The following CBX5 variants were observed in gnomAD, a reference collection of about 807,000 sequenced individuals.
The protein encoded by CBX5 is chromobox protein homolog 5.
In CBX5, 7 loss-of-function variants were observed where a neutral mutation model predicts 20.7. The observed-to-expected ratio is 0.34, with a 90% CI of 0.19 to 0.63. The LOEUF is 0.63. Ranked by LOEUF, CBX5 falls within the 30% of genes least tolerant of loss-of-function variation. The probability of loss-of-function intolerance (pLI) is 0.75; values close to 1 mark genes in which losing one functional copy is unlikely to be tolerated. For missense variants in CBX5, 110 were observed against 224.1 expected, an observed-to-expected ratio of 0.49 and a Z score of 3.25; for synonymous variants, 78 against 77.0, an observed-to-expected ratio of 1.01 and a Z score of -0.07.
At chr12:54,270,282 ATTTTG>A (rs1565874477) in intron 1 of CBX5, among the ~76,000 whole-genome samples, 4 of 151,904 alleles carry the variant, frequency 2.6e-5, no homozygotes, top group Non-Finnish European at 4.4e-5. Context: ...GCATCCCACA[ATTTTG>A]TTTTGTTTTT....
chr12:54,269,760 A>T lies in CBX5; in HGVS notation c.-43+10248T>A, dbSNP rs554192735. 4.6e-4 allele frequency among the ~76,000 whole-genome samples: 70 copies of T among 152,246 alleles called. 1 individual carries two copies. Among genetic ancestry groups the T allele is most frequent in the African/African-American group, 1.6e-3 (68 of 41,540 alleles). On this transcript the variant is annotated intron_variant, in intron 1 of 4. Transcript: ENST00000209875. ...TTCCTTAATAGAGATAGGGCTAGTA[A>T]GGTTCTGACGTTTTCTTCTTTTTGC...
chr12:54,241,677 G>A lies in CBX5; in HGVS notation c.*78C>T. The A allele has an allele frequency of 7.3e-7, 1 of 1,369,960 alleles. No homozygotes were observed. Among genetic ancestry groups the A allele is most frequent in the Non-Finnish European group, 1.0e-6 (1 of 994,688 alleles). 84.9% of individuals were successfully genotyped at this position (1,369,960 alleles called of 1,614,324 possible). A position where few individuals can be genotyped will look rare whatever the true frequency, so the allele number is the denominator to read the frequency against. On this transcript the variant is annotated 3_prime_UTR_variant, in exon 5 of 5. Coordinates refer to ENST00000209875, the MANE Select transcript of CBX5 (RefSeq NM_012117.3). The stretch of plus-strand genomic sequence containing the variant: ...TTTATGGATGTGTTTAGGATAGAAA[G>A]GGGTGGGTAGAAAGGAGAGGAGGCA...
intron 1 of CBX5, among the ~76,000 whole-genome samples, chr12:54,269,571 T>C (rs1943989973): frequency 6.6e-6 from 1 of 152,088 alleles, no homozygotes; most frequent in African/African-American, 2.4e-5. Context: ...GTATTTTTAG[T>C]AGAGACGGGG....
At chr12:54,242,107 T>C (rs1400440085) in intron 4 of CBX5, among the ~76,000 whole-genome samples, 1 of 152,208 alleles carries the variant, frequency 6.6e-6, no homozygotes, top group Non-Finnish European at 1.5e-5. Flanking sequence ...GAAACAGATG[T>C]CTGTAGCTAG....
chr12:54,271,816 G>A (rs1944013282), intron 1 of CBX5: 2 of 152,196 alleles, frequency 1.3e-5, no homozygotes, highest in African/African-American at 4.8e-5. Flanking sequence ...ATAGGAAACA[G>A]AAGGAAAAAT....
intron 2 of CBX5, among the ~76,000 whole-genome samples, chr12:54,255,126 T>C (rs1196093503): frequency 6.6e-6 from 1 of 152,148 alleles, no homozygotes; most frequent in Non-Finnish European, 1.5e-5. Flanking sequence ...CATAGTATGA[T>C]TTAAAAAGAG....
At chr12:54,278,858 G>A (rs947846373) in intron 1 of CBX5, 2 of 152,120 alleles carry the variant, frequency 1.3e-5, no homozygotes, top group African/African-American at 4.8e-5. Context: ...GGGACTTTAG[G>A]ATATCTTCAA....
At chr12:54,260,538 A>C (rs1284244607) in intron 1 of CBX5, among the ~76,000 whole-genome samples, 4 of 151,848 alleles carry the variant, frequency 2.6e-5, no homozygotes, top group Non-Finnish European at 5.9e-5. Context: ...AATTCCTAAG[A>C]AGCTTAAAAA....
intron 1 of CBX5, among the ~76,000 whole-genome samples, chr12:54,278,159 G>T (rs1198625971): frequency 6.6e-6 from 1 of 152,200 alleles, no homozygotes; most frequent in Non-Finnish European, 1.5e-5. Flanking sequence ...CATACAGTGG[G>T]TAGAGGCCAG....
chr12:54,280,018 G>C lies in CBX5; in HGVS notation c.-53C>G, dbSNP rs994094566. 2 of 153,922 alleles carry C rather than the reference G, an allele frequency of 1.3e-5. No homozygotes were observed. Among genetic ancestry groups the C allele is most frequent in the African/African-American group, 4.8e-5 (2 of 41,382 alleles). The allele number at this position is 153,922 out of a possible 1,614,324, so 9.5% of individuals were successfully genotyped here. ...CTGTCTGCCACTTACCCGGGATTGAGAGTGATCACTCACGCTAACGTCTGC... is the reference window on the plus strand; with the variant it reads ...CTGTCTGCCACTTACCCGGGATTGACAGTGATCACTCACGCTAACGTCTGC... On this transcript the variant is annotated 5_prime_UTR_variant, in exon 1 of 5. Coordinates refer to ENST00000209875, the MANE Select transcript of CBX5 (RefSeq NM_012117.3).
chr12:54,263,786 AAAG>A (rs1179054120), intron 1 of CBX5, among the ~76,000 whole-genome samples: 1 of 146,780 alleles, frequency 6.8e-6, no homozygotes, highest in Non-Finnish European at 1.5e-5. Context: ...AAAAAAAAGA[AAAG>A]AAAAAAGAAA....
chr12:54,257,227 C>G (rs1943869678), intron 2 of CBX5, among the ~76,000 whole-genome samples: 1 of 152,122 alleles, frequency 6.6e-6, no homozygotes, highest in South Asian at 2.1e-4. Context: ...CCAAGGCCAT[C>G]CAGTTTGTAT....
intron 1 of CBX5, among the ~76,000 whole-genome samples, chr12:54,279,303 CAAAA>C (rs200904302): frequency 6.7e-6 from 1 of 149,080 alleles, no homozygotes. Flanking sequence ...AACAAACAAA[CAAAA>C]AAAAACAACT....
chr12:54,264,015 C>A (rs1342617482), intron 1 of CBX5, among the ~76,000 whole-genome samples: 1 of 152,156 alleles, frequency 6.6e-6, no homozygotes, highest in Admixed American at 6.5e-5. Context: ...TGCACTCCAG[C>A]CTGGGAGACA....
rs1356528548 is a variant in CBX5 at position 54,249,046 on chromosome 12, C to T, written c.325-2831G>A. Among the ~76,000 whole-genome samples, 4 of 152,206 alleles carry T rather than the reference C, an allele frequency of 2.6e-5. No homozygotes were observed. The South Asian group carries it at 8.3e-4, about 32-fold the overall frequency. On this transcript the variant is annotated intron_variant, in intron 3 of 4. Transcript: ENST00000209875. Reference sequence around the variant, plus strand: ...AAACTCTGTGCACTGGCCAGTGGCTCCAAGCCAGATTATTCAGACTGCTCC... The same window carrying T: ...AAACTCTGTGCACTGGCCAGTGGCTTCAAGCCAGATTATTCAGACTGCTCC...
At chr12:54,275,204 C>T (rs1461851165) in intron 1 of CBX5, among the ~76,000 whole-genome samples, 1 of 152,108 alleles carries the variant, frequency 6.6e-6, no homozygotes, top group African/African-American at 2.4e-5. Flanking sequence ...CTTTAGTAAA[C>T]ACCCCTTTTA....
At chr12:54,265,190 T>C (rs548149456) in intron 1 of CBX5, among the ~76,000 whole-genome samples, 2 of 152,214 alleles carry the variant, frequency 1.3e-5, no homozygotes, top group African/African-American at 4.8e-5. Context: ...AATTGTCAGC[T>C]ACAGCACTGT....
At chr12:54,254,595 C>G (rs1377708655) in intron 2 of CBX5, among the ~76,000 whole-genome samples, 2 of 152,046 alleles carry the variant, frequency 1.3e-5, no homozygotes, top group Admixed American at 1.3e-4. Flanking sequence ...GCTCAAGTCT[C>G]TAATCCCAGC....
At chr12:54,255,118 T>C (rs768548388) in intron 2 of CBX5, among the ~76,000 whole-genome samples, 2 of 152,086 alleles carry the variant, frequency 1.3e-5, no homozygotes, top group Non-Finnish European at 2.9e-5. Context: ...AAAGACAACA[T>C]AGTATGATTT....
Sources: allele counts gnomAD v4.1 joint callset (sites outside exome capture counted in the v4.1 genomes callset), GRCh38; gene constraint gnomAD v4.1.1; transcripts MANE v1.5; gene names NCBI Gene and HGNC (gene_info 2026-07-23, HGNC 2026-07-21).